The following SMARCC1 variants were observed in gnomAD, a reference collection of about 807,000 sequenced individuals.
SMARCC1 encodes the protein SWI/SNF related BAF chromatin remodeling complex subunit C1, also known as SWI/SNF complex subunit SMARCC1.
In SMARCC1, 43 loss-of-function variants were observed where a neutral mutation model predicts 147.4. The observed-to-expected ratio is 0.29, with a 90% CI of 0.23 to 0.38. The LOEUF is 0.38. SMARCC1 is among the 10% of genes least tolerant of loss of function. The pLI, the probability that SMARCC1 is intolerant of heterozygous loss-of-function variation, is 1.00. For synonymous variants in SMARCC1, 495 were observed against 484.4 expected (o/e 1.02, Z -0.29); for missense variants, 1,119 against 1,381.1 (o/e 0.81, Z 3.01).
chr3:47,696,072 A>G (rs1283533588), intron 11 of SMARCC1, among the ~76,000 whole-genome samples: 1 of 61,148 alleles, frequency 1.6e-5, no homozygotes, highest in African/African-American at 5.3e-5. Flanking sequence ...GTCTCAAAAA[A>G]AAAAAGGGGG....
chr3:47,683,186 G>A (rs371541630), intron 14 of SMARCC1, among the ~76,000 whole-genome samples: 6 of 152,066 alleles, frequency 3.9e-5, no homozygotes, highest in African/African-American at 7.2e-5. Flanking sequence ...GGGAATACAC[G>A]CGCCCGCCAC....
At chr3:47,772,268 C>T (rs2034923172) in intron 2 of SMARCC1, among the ~76,000 whole-genome samples, 1 of 152,048 alleles carries the variant, frequency 6.6e-6, no homozygotes, top group Non-Finnish European at 1.5e-5. Flanking sequence ...GTAGCACATG[C>T]TAGTAGTCCC....
At chr3:47,693,111 G>C (rs2033809918) in intron 12 of SMARCC1, 130 bp downstream of exon 12, 1 of 649,274 alleles carries the variant, frequency 1.5e-6, no homozygotes, top group South Asian at 2.0e-5. Flanking sequence ...TTAAAGCTGT[G>C]GTGAGCTATA....
chr3:47,710,849 A>C (rs1368247452), intron 8 of SMARCC1, 41 bp from the exon 9 acceptor site: 2 of 1,550,766 alleles, frequency 1.3e-6, no homozygotes. Context: ...ATAAATAACA[A>C]AATCACTCAA....
chr3:47,636,864 G>T (rs1231566739), intron 22 of SMARCC1, among the ~76,000 whole-genome samples: 1 of 147,788 alleles, frequency 6.8e-6, no homozygotes, highest in East Asian at 2.1e-4. Flanking sequence ...TTGATTTAAA[G>T]AATTAAGAGC....
chr3:47,729,240 TA>T (rs1042701401), intron 5 of SMARCC1, 146 bp from the exon 6 acceptor site: 36 of 599,592 alleles, frequency 6.0e-5, no homozygotes, highest in South Asian at 9.7e-5. Flanking sequence ...TTTAGTCAAA[TA>T]AAAAAAAGTG....
At chr3:47,661,679 G>A (rs1368206206) in intron 20 of SMARCC1, among the ~76,000 whole-genome samples, 1 of 151,958 alleles carries the variant, frequency 6.6e-6, no homozygotes, top group East Asian at 1.9e-4. Flanking sequence ...ACACATCACA[G>A]AGCCTTGAAA....
At chr3:47,616,433 T>C (rs2032646727) in intron 25 of SMARCC1, among the ~76,000 whole-genome samples, 1 of 152,152 alleles carries the variant, frequency 6.6e-6, no homozygotes. Context: ...GAGTTCATGA[T>C]ACCCATAACA....
rs2033646276 is a variant in SMARCC1, at chr3:47,681,698, T to A, written c.1386-1190A>T. Among the ~76,000 whole-genome samples the A allele has an allele frequency of 2.6e-5, 4 of 152,188 alleles. No homozygotes were observed. In the South Asian group the frequency reaches 6.2e-4, roughly 24 times the overall value. ...ATATTTGGTAACATTTAAATTAAAT[T>A]GGATTTGTAGGGTCAAATACTATAA... On this transcript the variant is annotated intron_variant, in intron 14 of 27. Transcript: ENST00000254480.
At position 47,736,078 on chromosome 3, in the gene SMARCC1, G is replaced by A. The variant is rs507082; in HGVS notation, c.532C>T (p.Leu178=). 1 of 1,602,862 alleles carries A rather than the reference G, an allele frequency of 6.2e-7. No homozygotes were observed. The highest frequency in any genetic ancestry group is 2.2e-5 in the East Asian group (1 of 44,720). Residue 178 remains leucine, a synonymous_variant, in exon 5 of 28, where the codon CTG becomes TTG. Transcript: ENST00000254480. ...TCTTTCAATTTGTTAGCCAACTTCA[G>A]ATCAATGTCTGGAATGAGGTAGATG... ...PNIYLIPDID[L]KLANKLKDII...
intron 5 of SMARCC1, among the ~76,000 whole-genome samples, chr3:47,732,878 G>T (rs1244140251): frequency 6.6e-6 from 1 of 151,874 alleles, no homozygotes; most frequent in African/African-American, 2.4e-5. Context: ...GGGAGGCCGA[G>T]GGGGGTGGAT....
At chr3:47,711,305 T>G (rs1021965329) in intron 8 of SMARCC1, among the ~76,000 whole-genome samples, 1 of 152,316 alleles carries the variant, frequency 6.6e-6, no homozygotes, top group East Asian at 1.9e-4. Context: ...GTCCTTTATA[T>G]GGCCACCTCC....
intron 21 of SMARCC1, among the ~76,000 whole-genome samples, chr3:47,657,027 A>G (rs1237442654): frequency 6.6e-6 from 1 of 152,244 alleles, no homozygotes; most frequent in Non-Finnish European, 1.5e-5. Context: ...ATATAAGACA[A>G]AAAGGACATT....
chr3:47,781,211 A>C (rs938057506), intron 1 of SMARCC1, among the ~76,000 whole-genome samples: 3 of 152,216 alleles, frequency 2.0e-5, no homozygotes, highest in African/African-American at 7.2e-5. Flanking sequence ...AACCCCCTCG[A>C]GACTTTGAAT....
chr3:47,690,644 T>C (rs1469526089), intron 12 of SMARCC1, among the ~76,000 whole-genome samples: 1 of 152,112 alleles, frequency 6.6e-6, no homozygotes, highest in African/African-American at 2.4e-5. Flanking sequence ...TGCAAAATAT[T>C]TGGAAAGAGG....
intron 22 of SMARCC1, among the ~76,000 whole-genome samples, chr3:47,637,969 CTTT>C (rs2032993854): frequency 6.6e-6 from 1 of 152,146 alleles, no homozygotes; most frequent in Non-Finnish European, 1.5e-5. Flanking sequence ...TCTTCTCATT[CTTT>C]TCTTAAGATT....
At chr3:47,740,227 G>A (rs368938964) in intron 3 of SMARCC1, among the ~76,000 whole-genome samples, 17 of 100,706 alleles carry the variant, frequency 1.7e-4, no homozygotes, top group East Asian at 6.9e-4. Context: ...ACAGACTCTC[G>A]CCCTGTCGTC....
intron 14 of SMARCC1, among the ~76,000 whole-genome samples, chr3:47,684,261 A>C (rs1277121835): frequency 6.7e-6 from 1 of 149,144 alleles, no homozygotes; most frequent in African/African-American, 2.5e-5. Context: ...AAAAAAAAAG[A>C]CAGTACTCCA....
At chr3:47,734,818 C>T (rs941966986) in intron 5 of SMARCC1, among the ~76,000 whole-genome samples, 10 of 152,190 alleles carry the variant, frequency 6.6e-5, no homozygotes, top group African/African-American at 1.2e-4. Context: ...AGCACAGTGG[C>T]GCCATCTCAG....
Sources: gnomAD v4.1 joint callset for allele counts (sites outside exome capture counted in the v4.1 genomes callset) on GRCh38, gnomAD v4.1.1 for gene constraint, MANE v1.5 for transcripts, NCBI Gene and HGNC (gene_info 2026-07-23, HGNC 2026-07-21) for gene names.